Variants in ATXN2 observed in about 807,000 individuals in gnomAD.
The protein encoded by ATXN2 is ataxin 2.
ATXN2 carries 37 observed loss-of-function variants against 138.6 expected under a neutral mutation model. The observed-to-expected ratio is 0.27, with a 90% CI of 0.21 to 0.35. The LOEUF (loss-of-function observed/expected upper bound fraction) is 0.35. Among genes scored for constraint, ATXN2 ranks in the 10% least tolerant of loss-of-function variants. The pLI is 1.00. For synonymous variants in ATXN2, 549 were observed against 543.7 expected, an observed-to-expected ratio of 1.01 and a Z score of -0.13; for missense variants, 1,216 against 1,480.3, an observed-to-expected ratio of 0.82 and a Z score of 2.93.
intron 9 of ATXN2, among the ~76,000 whole-genome samples, 193 bp downstream of exon 9, chr12:111,518,056 T>G (rs927398479): frequency 6.6e-6 from 1 of 152,336 alleles, no homozygotes. Flanking sequence ...ATAATATATA[T>G]GTCAATGACA....
rs542007547 is a variant in ATXN2, at chr12:111,511,233, T to A, written c.1559-651A>T. 2.0e-5 allele frequency: 3 copies of A among 150,404 alleles called. No individual in the cohort carries two copies. In the South Asian group the frequency reaches 6.2e-4, roughly 31 times the overall value. The allele number at this position is 150,404 out of a possible 1,614,324, so 9.3% of individuals were successfully genotyped here. ...AGGTTTAGAGAAAATGGTTCGATTATTTCATTTCAGTGTTTTTTTTTTTTT... is the reference window on the plus strand; with the variant it reads ...AGGTTTAGAGAAAATGGTTCGATTAATTCATTTCAGTGTTTTTTTTTTTTT... On this transcript the variant is annotated intron_variant, in intron 11 of 24. Transcript: ENST00000673436.
At chr12:111,487,843 T>A (rs1452932458) in intron 15 of ATXN2, among the ~76,000 whole-genome samples, 1 of 151,976 alleles carries the variant, frequency 6.6e-6, no homozygotes, top group African/African-American at 2.4e-5. Flanking sequence ...TAAAAAAAAA[T>A]TGCCTCAAAT....
chr12:111,457,082 G>T (rs1426849464), intron 22 of ATXN2, 132 bp downstream of exon 22: 11 of 1,150,384 alleles, frequency 9.6e-6, no homozygotes, highest in Non-Finnish European at 1.3e-5. Flanking sequence ...CACCCCAGGG[G>T]CACAGCTGTA....
chr12:111,573,928 A>C (rs1272296143), intron 1 of ATXN2, among the ~76,000 whole-genome samples: 2 of 148,492 alleles, frequency 1.3e-5, no homozygotes, highest in African/African-American at 5.0e-5. Context: ...CAGAAATGCT[A>C]GTCTTTATTT....
chr12:111,548,145 A>G (rs1167812441), intron 5 of ATXN2, among the ~76,000 whole-genome samples: 27 of 151,876 alleles, frequency 1.8e-4, no homozygotes, highest in Admixed American at 1.8e-3. Flanking sequence ...GTGCGCCAAG[A>G]TCACGCCACT....
At chr12:111,471,823 GCTAA>G (rs919991707) in intron 18 of ATXN2, 3 of 151,862 alleles carry the variant, frequency 2.0e-5, no homozygotes, top group Non-Finnish European at 2.9e-5. Flanking sequence ...GCCCGATTAT[GCTAA>G]CTGAGCTTAA....
chr12:111,510,280 C>T, intron 12 of ATXN2, 105 bp downstream of exon 12: 23 of 1,260,452 alleles, frequency 1.8e-5, no homozygotes, highest in Non-Finnish European at 2.4e-5. Flanking sequence ...ACTAAAAATA[C>T]TTGTCTATGA....
At chr12:111,489,958 T>C (rs1392799734) in intron 14 of ATXN2, among the ~76,000 whole-genome samples, 1 of 151,924 alleles carries the variant, frequency 6.6e-6, no homozygotes, top group East Asian at 1.9e-4. Flanking sequence ...ATCCTAGCAC[T>C]TTGGGAAGCC....
intron 21 of ATXN2, among the ~76,000 whole-genome samples, chr12:111,464,380 T>A (rs1875845813): frequency 6.6e-6 from 1 of 151,304 alleles, no homozygotes; most frequent in African/African-American, 2.4e-5. Context: ...TATAAAGCTG[T>A]TTAGGAAGTT....
In ATXN2 at chr12:111,598,670, G is replaced by GC. The variant is rs1340639298; in HGVS notation, c.251+113dup. ...CGAGCGAGTCTCCCCCGCGCTGCCG[G>GC]CCCCCAGCCCACCCCGGGTAGCCCG... is the stretch of plus-strand genomic sequence containing the variant. On this transcript the variant is annotated intron_variant, in intron 1 of 24. Transcript: ENST00000673436. The surrounding 1 kb of genome is among the most constrained non-coding windows in gnomAD (Gnocchi z 4.5). The GC allele has an allele frequency of 1.2e-6, 1 of 858,140 alleles. No homozygotes were observed. Among genetic ancestry groups the GC allele is most frequent in the Admixed American group, 6.1e-5 (1 of 16,298 alleles). The allele number at this position is 858,140 out of a possible 1,614,324, so 53.2% of individuals were successfully genotyped here. A position where few individuals can be genotyped will look rare whatever the true frequency, so the allele number is the denominator to read the frequency against.
chr12:111,554,118 AC>A, intron 3 of ATXN2, 39 bp downstream of exon 3: 2 of 1,297,762 alleles, frequency 1.5e-6, no homozygotes, highest in Non-Finnish European at 2.1e-6. Context: ...ACTTTATTCT[AC>A]CCCCAAGGCA....
chr12:111,484,306 T>A (rs918812765), intron 18 of ATXN2, among the ~76,000 whole-genome samples: 3 of 151,080 alleles, frequency 2.0e-5, no homozygotes, highest in African/African-American at 7.4e-5. Context: ...TTTTTTGAGA[T>A]AGGGTCTCAC....
chr12:111,485,596 G>T, intron 17 of ATXN2, 117 bp downstream of exon 17: 1 of 1,277,020 alleles, frequency 7.8e-7, no homozygotes, highest in Non-Finnish European at 1.1e-6. Context: ...ATGCCTGTCT[G>T]TTTCAAATGC....
At chr12:111,590,161 C>A (rs1234630775) in intron 1 of ATXN2, among the ~76,000 whole-genome samples, 1 of 152,012 alleles carries the variant, frequency 6.6e-6, no homozygotes, top group African/African-American at 2.4e-5. Context: ...TTACAGTGAG[C>A]CGAGATTATG....
At chr12:111,457,991 C>A (rs1169656992) in intron 21 of ATXN2, 2 of 152,188 alleles carry the variant, frequency 1.3e-5, no homozygotes, top group East Asian at 3.8e-4. Flanking sequence ...AGTGCCCCAG[C>A]CCTTTGGAAA....
At chr12:111,511,695 A>T (rs953617210) in intron 11 of ATXN2, 2 of 151,880 alleles carry the variant, frequency 1.3e-5, no homozygotes, top group African/African-American at 4.8e-5. Context: ...TGAACTCCTG[A>T]CCTCGTGATC....
chr12:111,484,844 C>T (rs1359433041), intron 18 of ATXN2, among the ~76,000 whole-genome samples: 1 of 152,322 alleles, frequency 6.6e-6, no homozygotes, highest in African/African-American at 2.4e-5. Context: ...GATCCTCTCG[C>T]CTCAGTCCCC....
intron 9 of ATXN2, among the ~76,000 whole-genome samples, chr12:111,517,214 C>T (rs1180133759): frequency 6.6e-6 from 1 of 152,118 alleles, no homozygotes; most frequent in Non-Finnish European, 1.5e-5. Context: ...GTCCAGGTCT[C>T]CTCTCCATAG....
In ATXN2 at chr12:111,453,984, C is replaced by T; in HGVS notation, c.3271-139G>A. 2.5e-6 allele frequency: 2 copies of T among 794,480 alleles called. No homozygotes were observed. The highest frequency in any genetic ancestry group is 3.9e-6 in the Non-Finnish European group (2 of 512,110). 49.2% of individuals were successfully genotyped at this position (794,480 alleles called of 1,614,324 possible). A position where few individuals can be genotyped will look rare whatever the true frequency, so the allele number is the denominator to read the frequency against. On this transcript the variant is annotated intron_variant, in intron 23 of 24. Coordinates refer to ENST00000673436, the MANE Select transcript of ATXN2 (RefSeq NM_001372574.1). The surrounding 1 kb of genome is among the most constrained non-coding windows in gnomAD (Gnocchi z 5.4). ...AGGGCCCAGTTCTGTTCTCTGGGGA[C>T]AATCTCTAGTAGATTATCTATTGAC...
Sources: gnomAD v4.1 joint callset for allele counts (sites outside exome capture counted in the v4.1 genomes callset) on GRCh38, gnomAD v4.1.1 for gene constraint, Gnocchi (gnomAD v3.1) non-coding constraint, MANE v1.5 for transcripts, NCBI Gene and HGNC (gene_info 2026-07-23, HGNC 2026-07-21) for gene names.